Variants in FDCSP observed in about 807,000 individuals in gnomAD.
FDCSP encodes follicular dendritic cell secreted peptide.
A neutral mutation model predicts 8.9 loss-of-function variants in FDCSP; 8 were observed. The observed-to-expected ratio is 0.90, with a 90% CI of 0.53 to 1.63. FDCSP has a LOEUF of 1.63. FDCSP is among the 40% of genes most tolerant of loss of function. The probability of loss-of-function intolerance (pLI) is 0.00; values close to 1 mark genes in which losing one functional copy is unlikely to be tolerated. For synonymous variants in FDCSP, 34 were observed against 34.5 expected (o/e 0.98, Z 0.06); for missense variants, 101 against 103.6 (o/e 0.98, Z 0.11).
chr4:70,231,258 A>G lies in FDCSP; in HGVS notation c.57+7A>G. The G allele has an allele frequency of 6.2e-7, 1 of 1,602,340 alleles. No individual in the cohort carries two copies. The highest frequency in any genetic ancestry group is 8.5e-7 in the Non-Finnish European group (1 of 1,173,244). On this transcript the variant is annotated splice_region_variant and intron_variant, in intron 2 of 4. Coordinates refer to ENST00000317987, the MANE Select transcript of FDCSP (RefSeq NM_152997.4). Reference sequence around the variant, plus strand: ...AGTGGCTGTTGGTTTCCCAGTAAGTATCCACGTATACATTCCAAAATATTT... The same window carrying G: ...AGTGGCTGTTGGTTTCCCAGTAAGTGTCCACGTATACATTCCAAAATATTT...
intron 1 of FDCSP, among the ~76,000 whole-genome samples, chr4:70,230,889 T>C (rs1020324324): frequency 1.3e-5 from 2 of 151,758 alleles, no homozygotes; most frequent in Admixed American, 6.6e-5. Context: ...CAGGGATACA[T>C]GTGTAGGTTT....
chr4:70,231,448 C>G (rs917142623), intron 2 of FDCSP, among the ~76,000 whole-genome samples, 197 bp downstream of exon 2: 3 of 151,564 alleles, frequency 2.0e-5, no homozygotes, highest in Admixed American at 1.3e-4. Context: ...AGTTCAAGAC[C>G]AGCCTGGGCA....
Position 70,232,974 on chromosome 4 carries a change from T to C in FDCSP, c.58-20T>C, listed in dbSNP as rs760132617. ...TTTTCATGAGCATGAGTTTAATTAA[T>C]TTCACTATTTGATCTTTAGGTCTCT... On this transcript the variant is annotated intron_variant, in intron 2 of 4. Coordinates refer to ENST00000317987, the MANE Select transcript of FDCSP (RefSeq NM_152997.4). 1 of 1,583,800 alleles carries C rather than the reference T, an allele frequency of 6.3e-7. No individual in the cohort carries two copies. Among genetic ancestry groups the C allele is most frequent in the Non-Finnish European group, 8.6e-7 (1 of 1,166,078 alleles).
At position 70,231,223 on chromosome 4, in the gene FDCSP, C is replaced by A. The variant is rs1278152707; in HGVS notation, c.29C>A (p.Ala10Asp). Residue 10 changes from alanine (A) to aspartate (D), a missense_variant, in exon 2 of 5, where the codon GCC becomes GAC. Ala to Asp is a moderately radical substitution (Grantham distance 126, BLOSUM62 -2). Transcript: ENST00000317987. Reference sequence around the variant, plus strand: ...AAGAAAGTTCTCCTCCTGATCACAGCCATCTTGGCAGTGGCTGTTGGTTTC... The same window carrying A: ...AAGAAAGTTCTCCTCCTGATCACAGACATCTTGGCAGTGGCTGTTGGTTTC... Reference protein sequence around the residue: MKKVLLLITAILAVAVGFPV... With the variant: MKKVLLLITDILAVAVGFPV... The A allele has an allele frequency of 1.9e-6, 3 of 1,601,264 alleles. No individual in the cohort carries two copies. In the South Asian group the frequency reaches 3.4e-5, roughly 18 times the overall value.
At chr4:70,229,756 T>G (rs1313612946) in intron 1 of FDCSP, among the ~76,000 whole-genome samples, 2 of 151,634 alleles carry the variant, frequency 1.3e-5, no homozygotes, top group African/African-American at 4.8e-5. Context: ...ATTTTTCCCA[T>G]AACACCCCCA....
Position 70,233,066 on chromosome 4 carries a change from C to T in FDCSP, c.90+40C>T, listed in dbSNP as rs113377735. 2,122 of 1,495,504 alleles carry T rather than the reference C, an allele frequency of 1.4e-3. 24 individuals are homozygous for T. In the African/African-American group the frequency reaches 0.025, roughly 18 times the overall value. The allele number at this position is 1,495,504 out of a possible 1,614,324, so 92.6% of individuals were successfully genotyped here. A position where few individuals can be genotyped will look rare whatever the true frequency, so the allele number is the denominator to read the frequency against. On this transcript the variant is annotated intron_variant, in intron 3 of 4. Transcript: ENST00000317987. The stretch of plus-strand genomic sequence containing the variant: ...CTCTTTTTTACATGTAAGTTTTACA[C>T]GTGAAATATTCATAACTATTGTTAA...
chr4:70,227,153 C>A (rs1052181640), intron 1 of FDCSP, among the ~76,000 whole-genome samples: 4 of 151,656 alleles, frequency 2.6e-5, no homozygotes, highest in African/African-American at 9.7e-5. Flanking sequence ...CTGAAAGCAC[C>A]CAGCATTGTT....
Position 70,233,022 on chromosome 4 carries a change from G to T in FDCSP, c.86G>T (p.Arg29Ile), listed in dbSNP as rs555778226. 6.3e-7 allele frequency: 1 copy of T among 1,594,922 alleles called. No individual in the cohort carries two copies. Among genetic ancestry groups the T allele is most frequent in the African/African-American group, 1.4e-5 (1 of 73,734 alleles). ...TCTCAAGACCAGGAACGAGAAAAAAGAAGTGTAAGTTACCTTTTCTCTTTT... is the reference window on the plus strand; with the variant it reads ...TCTCAAGACCAGGAACGAGAAAAAATAAGTGTAAGTTACCTTTTCTCTTTT... ...PVSQDQEREKRSISDSDELAS... is the reference protein window; with the variant it reads ...PVSQDQEREKISISDSDELAS... The change falls in exon 3 of 5, where the codon AGA becomes ATA. Residue 29 changes from arginine (R) to isoleucine (I), a missense_variant. Arg to Ile is a moderately conservative substitution (Grantham distance 97). Transcript: ENST00000317987.
rs768613122 is a variant in FDCSP at position 70,234,156 on chromosome 4, C to T, written c.227C>T (p.Ala76Val). The T allele has an allele frequency of 1.2e-6, 2 of 1,610,522 alleles. No individual in the cohort carries two copies. The highest frequency in any genetic ancestry group is 1.7e-6 in the Non-Finnish European group (2 of 1,177,876). ...RNFPIPIPES[A>V]PTTPLPSEK The stretch of plus-strand genomic sequence containing the variant: ...TTTCCTATTCCAATACCTGAATCTG[C>T]CCCTACAACTCCCCTTCCTAGCGAA... The change falls in exon 4 of 5, where the codon GCC (alanine) becomes GTC (valine). Residue 76 changes from alanine to valine, a missense_variant. By Grantham distance (64) the Ala-to-Val change is moderately conservative. Transcript: ENST00000317987.
At chr4:70,226,206 T>C (rs967914047) in intron 1 of FDCSP, 24 bp downstream of exon 1, 8 of 151,954 alleles carry the variant, frequency 5.3e-5, no homozygotes, top group African/African-American at 1.9e-4. Context: ...TAAATATCAT[T>C]GTAAACTAAG....
At chr4:70,233,085 T>C (rs1730114758) in intron 3 of FDCSP, 59 bp downstream of exon 3, 1 of 1,404,514 alleles carries the variant, frequency 7.1e-7, no homozygotes, top group Non-Finnish European at 9.9e-7. Flanking sequence ...TTCATAACTA[T>C]TGTTAAAGAT....
intron 1 of FDCSP, 24 bp from the exon 2 acceptor site, chr4:70,231,170 AT>A (rs778187215): frequency 6.4e-7 from 1 of 1,573,142 alleles, no homozygotes; most frequent in Non-Finnish European, 8.7e-7. Flanking sequence ...AGTTCTTCTT[AT>A]TTTTTATTTA....
At chr4:70,228,410 T>C (rs1730023645) in intron 1 of FDCSP, among the ~76,000 whole-genome samples, 1 of 151,834 alleles carries the variant, frequency 6.6e-6, no homozygotes, top group Non-Finnish European at 1.5e-5. Flanking sequence ...AGTTACTTCC[T>C]CCACTGAAGT....
At chr4:70,234,298 T>A in intron 4 of FDCSP, 83 bp downstream of exon 4, 1 of 1,174,208 alleles carries the variant, frequency 8.5e-7, no homozygotes, top group Non-Finnish European at 1.2e-6. Flanking sequence ...AAATGTTAAC[T>A]ATGTCCCTAG....
In FDCSP at chr4:70,234,100, A is replaced by G. The variant is rs375518209; in HGVS notation, c.171A>G (p.Pro57=). ...PYPFRPLPPI[P]FPRFPWFRRN... is the part of the protein sequence containing the mutation. ...CATTTCGCCCACTTCCACCAATTCC[A>G]TTTCCAAGATTTCCATGGTTTAGAC... Residue 57 remains proline (P), a synonymous_variant, in exon 4 of 5, where the codon CCA becomes CCG. Coordinates refer to ENST00000317987, the MANE Select transcript of FDCSP (RefSeq NM_152997.4). 1.9e-6 allele frequency: 3 copies of G among 1,611,310 alleles called. No homozygotes were observed. The highest frequency in any genetic ancestry group is 2.5e-6 in the Non-Finnish European group (3 of 1,178,290).
At position 70,234,073 on chromosome 4, in the gene FDCSP, T is replaced by G; in HGVS notation, c.144T>G (p.Tyr48Ter). 1 of 1,611,248 alleles carries G rather than the reference T, an allele frequency of 6.2e-7. No individual in the cohort carries two copies. The part of the protein sequence containing the change: ...ASGFFVFPYP[Y>*]PFRPLPPIPF... ...GGTTTTTTGTGTTCCCTTACCCATA[T>G]CCATTTCGCCCACTTCCACCAATTC... Residue 48 changes from tyrosine (Y) to a stop codon, truncating the protein, a stop_gained, in exon 4 of 5, where the codon TAT (tyrosine) becomes TAG (stop). Transcript: ENST00000317987. LOFTEE classifies it high-confidence loss of function.
rs1336925091 is a variant in FDCSP at position 70,234,085 on chromosome 4, A to G, written c.156A>G (p.Pro52=). ...TCCCTTACCCATATCCATTTCGCCCACTTCCACCAATTCCATTTCCAAGAT... is the reference window on the plus strand; with the variant it reads ...TCCCTTACCCATATCCATTTCGCCCGCTTCCACCAATTCCATTTCCAAGAT... The part of the protein sequence containing the change: ...FVFPYPYPFR[P]LPPIPFPRFP... Residue 52 remains proline (P), a synonymous_variant, in exon 4 of 5, where the codon CCA becomes CCG. Coordinates refer to ENST00000317987, the MANE Select transcript of FDCSP (RefSeq NM_152997.4). 6.2e-7 allele frequency: 1 copy of G among 1,611,410 alleles called. No homozygotes were observed. Among genetic ancestry groups the G allele is most frequent in the South Asian group, 1.1e-5 (1 of 90,944 alleles).
intron 4 of FDCSP, 150 bp downstream of exon 4, chr4:70,234,365 G>A (rs559222490): frequency 2.4e-5 from 15 of 622,416 alleles, no homozygotes; most frequent in Non-Finnish European, 3.8e-5. Flanking sequence ...ATACTGTCAC[G>A]TGTGTCCACT....
chr4:70,231,372 CA>C, intron 2 of FDCSP, 121 bp downstream of exon 2: 1 of 737,438 alleles, frequency 1.4e-6, no homozygotes, highest in South Asian at 2.3e-5. Context: ...CTACCAAGTG[CA>C]GTGGCTTACG....
Sources: allele counts gnomAD v4.1 joint callset (sites outside exome capture counted in the v4.1 genomes callset), GRCh38; gene constraint gnomAD v4.1.1; transcripts MANE v1.5; gene names NCBI Gene and HGNC (gene_info 2026-07-23, HGNC 2026-07-21).